The following PTK7 variants were observed in gnomAD, a reference collection of about 807,000 sequenced individuals.
The protein encoded by PTK7 is protein tyrosine kinase 7 (inactive).
Under a neutral mutation model 116.6 loss-of-function variants are expected in PTK7, and 39 were observed. The ratio of observed to expected loss-of-function variants is 0.33; its 90% confidence interval spans 0.26 to 0.44. The LOEUF (loss-of-function observed/expected upper bound fraction) is 0.44, where lower values mean the gene tolerates loss of function less well. Ranked by LOEUF, PTK7 falls within the 20% of genes least tolerant of loss-of-function variation. The pLI is 1.00. For synonymous variants in PTK7, 546 were observed against 563.6 expected (o/e 0.97, Z 0.44); for missense variants, 1,169 against 1,425.6 (o/e 0.82, Z 2.90).
intron 1 of PTK7, among the ~76,000 whole-genome samples, chr6:43,114,382 C>T (rs780252115): frequency 6.6e-6 from 1 of 152,082 alleles, no homozygotes; most frequent in African/African-American, 2.4e-5. Context: ...GTCAGTCTCC[C>T]CTTCTCTGTC....
intron 7 of PTK7, among the ~76,000 whole-genome samples, chr6:43,134,262 C>T (rs1236241944): frequency 1.3e-5 from 2 of 152,092 alleles, no homozygotes; most frequent in Non-Finnish European, 2.9e-5. Context: ...TAGTCTCAAA[C>T]TCTTGACCTC....
intron 1 of PTK7, among the ~76,000 whole-genome samples, chr6:43,081,553 T>C (rs1766380617): frequency 6.6e-6 from 1 of 152,084 alleles, no homozygotes; most frequent in South Asian, 2.1e-4. Flanking sequence ...TACAGGTGTG[T>C]GCCACTGCAC....
At chr6:43,134,766 C>A (rs1582169589) in intron 7 of PTK7, among the ~76,000 whole-genome samples, 1 of 146,606 alleles carries the variant, frequency 6.8e-6, no homozygotes, top group African/African-American at 2.5e-5. Context: ...GGTGACAGAG[C>A]GAGACTTTGT....
Position 43,130,600 on chromosome 6 carries a change from C to T in PTK7, c.751C>T (p.Gln251Ter), listed in dbSNP as rs1227582081. 1.2e-6 allele frequency: 2 copies of T among 1,614,164 alleles called. No homozygotes were observed. The highest frequency in any genetic ancestry group is 1.1e-5 in the South Asian group (1 of 91,076). Residue 251 changes from glutamine to a stop codon, truncating the protein, a stop_gained, in exon 5 of 20, where the codon CAG (glutamine) becomes TAG (stop). Transcript: ENST00000230419. LOFTEE classifies it high-confidence loss of function. ...EAMFHCQFSA[Q>*]PPPSLQWLFE... ...CATGTTCCATTGCCAGTTCTCAGCC[C>T]AGCCACCCCCGAGCCTGCAGTGGCT... is the stretch of plus-strand genomic sequence containing the variant.
chr6:43,127,163 A>G (rs1464736166), intron 1 of PTK7, among the ~76,000 whole-genome samples: 1 of 152,236 alleles, frequency 6.6e-6, no homozygotes, highest in Non-Finnish European at 1.5e-5. Context: ...AAGGGATGGA[A>G]AAGACTCCGT....
At chr6:43,079,425 A>G (rs2150365844) in intron 1 of PTK7, among the ~76,000 whole-genome samples, 1 of 121,882 alleles carries the variant, frequency 8.2e-6, no homozygotes, top group Non-Finnish European at 1.6e-5. Flanking sequence ...GTGCCACTGC[A>G]CTCCAGCTTG....
intron 7 of PTK7, among the ~76,000 whole-genome samples, chr6:43,137,779 T>A (rs1433158853): frequency 6.6e-6 from 1 of 152,174 alleles, no homozygotes; most frequent in African/African-American, 2.4e-5. Flanking sequence ...TCACCATTAC[T>A]TCTTCTTTTT....
intron 18 of PTK7, chr6:43,159,495 C>G: frequency 2.2e-6 from 1 of 455,352 alleles, no homozygotes; most frequent in East Asian, 4.5e-5. Flanking sequence ...TTAGTTTTTA[C>G]ATTTTTACAA....
Position 43,151,136 on chromosome 6 carries a change from A to G in PTK7, c.2721+4438A>G, listed in dbSNP as rs201738609. 2.6e-4 allele frequency among the ~76,000 whole-genome samples: 39 copies of G among 150,882 alleles called. 1 individual carries two copies. The East Asian group carries it at 7.4e-3, about 29-fold the overall frequency. On this transcript the variant is annotated intron_variant, in intron 17 of 19. Coordinates refer to ENST00000230419, the MANE Select transcript of PTK7 (RefSeq NM_002821.5). ...GTGCCCAGCCAGACTCTGCTTTTTC[A>G]TGGAAACCCCAGTGTACTTCCCTGT...
At chr6:43,156,041 C>G (rs1430447678) in intron 17 of PTK7, among the ~76,000 whole-genome samples, 1 of 151,570 alleles carries the variant, frequency 6.6e-6, no homozygotes, top group East Asian at 1.9e-4. Flanking sequence ...CCAGCCTGAC[C>G]AATGTGGTGA....
chr6:43,106,687 T>C (rs1331922764), intron 1 of PTK7, among the ~76,000 whole-genome samples: 1 of 138,636 alleles, frequency 7.2e-6, no homozygotes, highest in East Asian at 2.2e-4. Context: ...AGAGTCTTGC[T>C]CTGTCACCCA....
At chr6:43,114,344 GTC>G (rs1201969891) in intron 1 of PTK7, among the ~76,000 whole-genome samples, 1 of 152,050 alleles carries the variant, frequency 6.6e-6, no homozygotes, top group Non-Finnish European at 1.5e-5. Context: ...CACATTGTCT[GTC>G]TGTCTGTCTC....
At chr6:43,120,234 C>T (rs999522275) in intron 1 of PTK7, among the ~76,000 whole-genome samples, 6 of 152,294 alleles carry the variant, frequency 3.9e-5, no homozygotes, top group East Asian at 1.9e-4. Flanking sequence ...TTCCCCCACG[C>T]GTGCTCTCAG....
chr6:43,122,573 C>T (rs1452883551), intron 1 of PTK7, among the ~76,000 whole-genome samples: 1 of 151,636 alleles, frequency 6.6e-6, no homozygotes, highest in Non-Finnish European at 1.5e-5. Flanking sequence ...ATATTCCCTA[C>T]AGGGACCCAG....
intron 17 of PTK7, among the ~76,000 whole-genome samples, chr6:43,147,101 C>T (rs932594636): frequency 6.6e-6 from 1 of 152,226 alleles, no homozygotes; most frequent in Non-Finnish European, 1.5e-5. Flanking sequence ...TAGCTGTGGG[C>T]CTGAGCGTGT....
At chr6:43,082,455 C>T (rs944168681) in intron 1 of PTK7, among the ~76,000 whole-genome samples, 8 of 152,180 alleles carry the variant, frequency 5.3e-5, no homozygotes, top group Admixed American at 2.0e-4. Context: ...GGATTACAGG[C>T]GTGAGCCACC....
In PTK7 at chr6:43,141,898, C is replaced by T. The variant is rs897974782; in HGVS notation, c.1769-33C>T. 4 of 1,594,068 alleles carry T rather than the reference C, an allele frequency of 2.5e-6. No individual in the cohort carries two copies. The South Asian group carries it at 4.5e-5, about 18-fold the overall frequency. ...ACCCTGCCAGCCCCTTGGCTTACCC[C>T]TCCCTGCGCCTCGCTGGTCTCTTTT... On this transcript the variant is annotated intron_variant, in intron 11 of 19. Transcript: ENST00000230419. The surrounding 1 kb of genome is among the most constrained non-coding windows in gnomAD (Gnocchi z 4.9).
chr6:43,153,003 C>T (rs1273865679), intron 17 of PTK7, among the ~76,000 whole-genome samples: 2 of 151,958 alleles, frequency 1.3e-5, no homozygotes, highest in Admixed American at 1.3e-4. Context: ...CCAGGCTGGT[C>T]TCGAACTCCT....
chr6:43,093,565 G>A (rs745538466), intron 1 of PTK7, among the ~76,000 whole-genome samples: 1 of 152,114 alleles, frequency 6.6e-6, no homozygotes, highest in Non-Finnish European at 1.5e-5. Flanking sequence ...GACAGGAGAT[G>A]CTAGCGTTTT....
Sources: gnomAD v4.1 joint callset for allele counts (sites outside exome capture counted in the v4.1 genomes callset) on GRCh38, gnomAD v4.1.1 for gene constraint, Gnocchi (gnomAD v3.1) non-coding constraint, MANE v1.5 for transcripts, NCBI Gene and HGNC (gene_info 2026-07-23, HGNC 2026-07-21) for gene names.